KRT8: variants seen among roughly 807,000 people sequenced by gnomAD.
KRT8 encodes keratin 8.
KRT8 carries 24 observed loss-of-function variants against 43.0 expected under a neutral mutation model. The observed-to-expected ratio is 0.56, with a 90% CI of 0.40 to 0.78. The LOEUF is 0.78. KRT8 is among the 30% of genes least tolerant of loss of function. KRT8 has a pLI of 0.00. For synonymous variants in KRT8, 214 were observed against 261.2 expected (o/e 0.82, Z 1.74); for missense variants, 492 against 638.4 (o/e 0.77, Z 2.47).
Position 52,943,431 on chromosome 12 carries a change from G to A in KRT8, c.-47+6025C>T, listed in dbSNP as rs560917327. On this transcript the variant is annotated intron_variant, in intron 2 of 6. Transcript: ENST00000546826. ...CGTCCTCTCTCCTGGTCTCTTCCTGGGAACTTAGAGATCTAGGCCTTCTCC... is the reference window on the plus strand; with the variant it reads ...CGTCCTCTCTCCTGGTCTCTTCCTGAGAACTTAGAGATCTAGGCCTTCTCC... Among the ~76,000 whole-genome samples, 3 of 152,212 alleles carry A rather than the reference G, an allele frequency of 2.0e-5. No homozygotes were observed. In the East Asian group the frequency reaches 5.8e-4, roughly 29 times the overall value.
intron 2 of KRT8, among the ~76,000 whole-genome samples, chr12:52,918,828 C>T (rs73110464): frequency 0.12 from 18,408 of 152,040 alleles, 1,194 homozygotes; most frequent in African/African-American, 0.15. Context: ...ACCTTCAGAC[C>T]ACCCTCCCCC....
At chr12:52,930,215 TC>T (rs1317491194) in intron 2 of KRT8, among the ~76,000 whole-genome samples, 3 of 87,998 alleles carry the variant, frequency 3.4e-5, no homozygotes, top group Non-Finnish European at 6.3e-5. Context: ...GCCAATTCTA[TC>T]ATTTTTTTTT....
upstream of KRT8, among the ~76,000 whole-genome samples, chr12:52,911,165 A>G (rs1276935331): frequency 2.6e-5 from 4 of 152,174 alleles, no homozygotes; most frequent in African/African-American, 9.7e-5. Context: ...CAGCCTGGCC[A>G]ACATGGTGAA....
chr12:52,945,121 C>T (rs755123183), intron 2 of KRT8, among the ~76,000 whole-genome samples: 1 of 152,180 alleles, frequency 6.6e-6, no homozygotes, highest in Non-Finnish European at 1.5e-5. Context: ...AGGAGGATTC[C>T]CATTCCACCC....
At chr12:52,914,363 T>C (rs764435972) in intron 2 of KRT8, among the ~76,000 whole-genome samples, 52 of 151,846 alleles carry the variant, frequency 3.4e-4, no homozygotes, top group Admixed American at 6.6e-5. Context: ...ATGGAGAAAC[T>C]GTCCTTACTA....
rs1009587466 is a variant in KRT8 at position 52,943,360 on chromosome 12, C to G, written c.-47+6096G>C. Among the ~76,000 whole-genome samples the G allele has an allele frequency of 2.0e-5, 3 of 152,306 alleles. No individual in the cohort carries two copies. The East Asian group carries it at 5.8e-4, about 29-fold the overall frequency. On this transcript the variant is annotated intron_variant, in intron 2 of 6. Transcript: ENST00000546826. ...CCCTGATCCTTTTGTGCACCTGGCC[C>G]TGTGGGCCCCCCTTCCTTGAACCTC...
chr12:52,934,282 C>T (rs934415127), intron 2 of KRT8, among the ~76,000 whole-genome samples: 6 of 151,646 alleles, frequency 4.0e-5, no homozygotes, highest in Non-Finnish European at 8.8e-5. Flanking sequence ...GAGAAGAAGC[C>T]GGGCACAGTG....
At chr12:52,948,741 A>G in intron 2 of KRT8, 1 of 399,690 alleles carries the variant, frequency 2.5e-6, no homozygotes, top group Non-Finnish European at 4.4e-6. Context: ...CCGCCCACCT[A>G]GGCCTCCCAA....
At chr12:52,927,748 C>T (rs1942017780) in intron 2 of KRT8, among the ~76,000 whole-genome samples, 1 of 152,194 alleles carries the variant, frequency 6.6e-6, no homozygotes, top group South Asian at 2.1e-4. Flanking sequence ...CTCCATGTGT[C>T]TTCTCAACTG....
chr12:52,899,692 C>G, intron 5 of KRT8, 83 bp downstream of exon 5: 1 of 1,312,638 alleles, frequency 7.6e-7, no homozygotes, highest in East Asian at 2.3e-5. Flanking sequence ...TCCCCGACTC[C>G]CAGAAACTTC....
chr12:52,939,496 A>G (rs1304997096), intron 2 of KRT8, among the ~76,000 whole-genome samples: 2 of 151,938 alleles, frequency 1.3e-5, no homozygotes, highest in African/African-American at 4.8e-5. Context: ...TGAGGCAGGC[A>G]GATGACTTGA....
intron 2 of KRT8, among the ~76,000 whole-genome samples, chr12:52,940,519 G>C (rs779830612): frequency 1.3e-5 from 2 of 151,818 alleles, no homozygotes; most frequent in Non-Finnish European, 2.9e-5. Flanking sequence ...TATGGAAAGG[G>C]AAAAGCTATG....
At chr12:52,938,163 TA>T (rs1565732982) in intron 2 of KRT8, among the ~76,000 whole-genome samples, 73 of 38,428 alleles carry the variant, frequency 1.9e-3, no homozygotes, top group Middle Eastern at 0.011. Flanking sequence ...TATATATATA[TA>T]TATATATTTT....
chr12:52,949,062 G>C lies in KRT8; in HGVS notation c.-47+394C>G, dbSNP rs1010524694. 4.3e-4 allele frequency: 446 copies of C among 1,044,574 alleles called. 1 individual carries two copies. The highest frequency in any genetic ancestry group is 5.9e-4 in the Non-Finnish European group (400 of 682,692). The allele number at this position is 1,044,574 out of a possible 1,614,324, so 64.7% of individuals were successfully genotyped here. A position where few individuals can be genotyped will look rare whatever the true frequency, so the allele number is the denominator to read the frequency against. Reference sequence around the variant, plus strand: ...TGGCTCCGGCTTCCGAAGCGGCTCCGGGGCGGGGGCGGGGCCTCACTCTGC... The same window carrying C: ...TGGCTCCGGCTTCCGAAGCGGCTCCCGGGCGGGGGCGGGGCCTCACTCTGC... On this transcript the variant is annotated intron_variant, in intron 2 of 6. Transcript: ENST00000546826.
At chr12:52,948,924 C>T (rs920524702) in intron 2 of KRT8, 1 of 435,940 alleles carries the variant, frequency 2.3e-6, no homozygotes, top group Non-Finnish European at 3.9e-6. Flanking sequence ...CGGTTGGCCA[C>T]CCCGTTTCTG....
intron 2 of KRT8, among the ~76,000 whole-genome samples, chr12:52,945,503 C>T (rs1014035958): frequency 1.3e-5 from 2 of 152,200 alleles, no homozygotes; most frequent in Admixed American, 6.5e-5. Context: ...AAAGCAAAGG[C>T]GGAAGGACTG....
At chr12:52,923,664 C>G (rs910699369) in intron 2 of KRT8, among the ~76,000 whole-genome samples, 2 of 151,872 alleles carry the variant, frequency 1.3e-5, no homozygotes, top group African/African-American at 4.8e-5. Context: ...GTGATCCGCC[C>G]GCCTCGGCCT....
chr12:52,926,770 A>G (rs1333253653), intron 2 of KRT8, among the ~76,000 whole-genome samples: 1 of 152,184 alleles, frequency 6.6e-6, no homozygotes, highest in East Asian at 1.9e-4. Flanking sequence ...CAAGGCTCTA[A>G]GAAGTAATGT....
intron 2 of KRT8, among the ~76,000 whole-genome samples, chr12:52,918,563 C>G (rs1941824719): frequency 6.6e-6 from 1 of 152,172 alleles, no homozygotes; most frequent in Non-Finnish European, 1.5e-5. Flanking sequence ...CATGTGTGAC[C>G]AAAACCCAAA....
Sources: allele counts gnomAD v4.1 joint callset (sites outside exome capture counted in the v4.1 genomes callset), GRCh38; gene constraint gnomAD v4.1.1; transcripts MANE v1.5; gene names NCBI Gene and HGNC (gene_info 2026-07-23, HGNC 2026-07-21).